TIMM23B: variants seen among roughly 807,000 people sequenced by gnomAD.
The protein encoded by TIMM23B is mitochondrial import inner membrane translocase subunit Tim23B.
In TIMM23B, 27 loss-of-function variants were observed where a neutral mutation model predicts 27.3. The observed-to-expected ratio is 0.99, with a 90% CI of 0.73 to 1.36. The LOEUF (loss-of-function observed/expected upper bound fraction) is 1.36, where lower values mean the gene tolerates loss of function less well. Among genes scored for constraint, TIMM23B ranks in the 40% most tolerant of loss-of-function variants. TIMM23B has a pLI of 0.00. For missense variants in TIMM23B, 205 were observed against 244.2 expected, an observed-to-expected ratio of 0.84 and a Z score of 1.07; for synonymous variants, 73 against 92.4, an observed-to-expected ratio of 0.79 and a Z score of 1.21.
At chr10:49,954,820 A>T (rs1485102809) in intron 4 of TIMM23B, among the ~76,000 whole-genome samples, 182 bp from the exon 5 acceptor site, 5 of 151,058 alleles carry the variant, frequency 3.3e-5, no homozygotes, top group African/African-American at 1.2e-4. Flanking sequence ...GTTTTAACCT[A>T]ATTTTCACTT....
intron 6 of TIMM23B, among the ~76,000 whole-genome samples, chr10:49,964,005 T>A (rs371820059): frequency 4.5e-3 from 679 of 151,158 alleles, no homozygotes; most frequent in East Asian, 0.018. Context: ...AATAATGAAA[T>A]GAATAATGAA....
intron 5 of TIMM23B, among the ~76,000 whole-genome samples, chr10:49,957,773 A>G (rs1839774562): frequency 6.6e-6 from 1 of 152,136 alleles, no homozygotes. Flanking sequence ...CATGTGGAAA[A>G]TTGATTGGAT....
intron 6 of TIMM23B, among the ~76,000 whole-genome samples, chr10:49,959,088 C>A (rs1283841467): frequency 3.9e-5 from 6 of 152,184 alleles, no homozygotes; most frequent in African/African-American, 1.4e-4. Flanking sequence ...AATATCTCTT[C>A]AAGGTCCTTC....
intron 5 of TIMM23B, 140 bp downstream of exon 5, chr10:49,955,200 G>C: frequency 1.1e-6 from 1 of 894,770 alleles, no homozygotes; most frequent in Non-Finnish European, 1.8e-6. Flanking sequence ...GCATAATGTA[G>C]ATACTACTTA....
At chr10:49,969,558 G>A (rs1487785333) in intron 6 of TIMM23B, among the ~76,000 whole-genome samples, 2 of 151,054 alleles carry the variant, frequency 1.3e-5, no homozygotes, top group Non-Finnish European at 3.0e-5. Context: ...TACAAAAAAT[G>A]AGCTAAGCAT....
intron 2 of TIMM23B, among the ~76,000 whole-genome samples, chr10:49,948,284 C>A (rs1186974724): frequency 1.3e-5 from 2 of 152,056 alleles, no homozygotes; most frequent in African/African-American, 4.8e-5. Context: ...TAAAATGATA[C>A]AGCTGCTTTT....
chr10:49,964,359 T>C (rs1840039026), intron 6 of TIMM23B, among the ~76,000 whole-genome samples: 1 of 140,524 alleles, frequency 7.1e-6, no homozygotes. Context: ...AAATATGAAA[T>C]GCTGGGTGAA....
intron 6 of TIMM23B, among the ~76,000 whole-genome samples, chr10:49,966,711 G>A (rs1379766090): frequency 8.5e-5 from 13 of 152,106 alleles, no homozygotes; most frequent in Non-Finnish European, 1.5e-4. Context: ...TGTAATCCCA[G>A]CTACTTGGGA....
At chr10:49,964,809 A>G (rs2132049816) in intron 6 of TIMM23B, among the ~76,000 whole-genome samples, 1 of 152,256 alleles carries the variant, frequency 6.6e-6, no homozygotes, top group Middle Eastern at 3.4e-3. Flanking sequence ...TGAAGAAATA[A>G]TGAAATGAAA....
At chr10:49,943,072 C>G (rs1839206437) in intron 1 of TIMM23B, among the ~76,000 whole-genome samples, 1 of 152,146 alleles carries the variant, frequency 6.6e-6, no homozygotes, top group Admixed American at 6.5e-5. Context: ...TAATATTTCT[C>G]TAGGTATTTT....
intron 1 of TIMM23B, among the ~76,000 whole-genome samples, chr10:49,942,678 A>G (rs1368928291): frequency 6.6e-6 from 1 of 152,192 alleles, no homozygotes; most frequent in Non-Finnish European, 1.5e-5. Flanking sequence ...TTTAGTACAC[A>G]GTGACATATT....
chr10:49,961,211 C>T (rs1220482152), intron 6 of TIMM23B, among the ~76,000 whole-genome samples: 253 of 148,340 alleles, frequency 1.7e-3, no homozygotes, highest in African/African-American at 5.5e-3. Flanking sequence ...TAGAGAAATC[C>T]GGTCTCCACT....
intron 6 of TIMM23B, among the ~76,000 whole-genome samples, chr10:49,965,445 AAAT>A (rs1481274797): frequency 1.3e-5 from 2 of 151,014 alleles, no homozygotes; most frequent in African/African-American, 4.9e-5. Flanking sequence ...TGAAAAAATG[AAAT>A]AATAATGAAA....
chr10:49,942,460 T>A (rs1336993238), intron 1 of TIMM23B, among the ~76,000 whole-genome samples, 160 bp downstream of exon 1: 1 of 152,104 alleles, frequency 6.6e-6, no homozygotes, highest in East Asian at 1.9e-4. Context: ...GGCTGCTCTT[T>A]CAAGATAGAA....
chr10:49,971,003 G>T (rs1204842712), intron 6 of TIMM23B, among the ~76,000 whole-genome samples: 1 of 152,172 alleles, frequency 6.6e-6, no homozygotes, highest in African/African-American at 2.4e-5. Context: ...TTCTGCCTTG[G>T]GATGCTGTTG....
chr10:49,943,188 C>G (rs1473259466), intron 1 of TIMM23B: 19 of 152,044 alleles, frequency 1.2e-4, no homozygotes, highest in African/African-American at 4.6e-4. Context: ...AAAACTGAAT[C>G]TACAACACAT....
chr10:49,953,373 C>T (rs1839605810), intron 4 of TIMM23B, among the ~76,000 whole-genome samples: 1 of 152,164 alleles, frequency 6.6e-6, no homozygotes, highest in Non-Finnish European at 1.5e-5. Context: ...AGAGACAGGG[C>T]CTTGCTGTGT....
chr10:49,972,199 C>A (rs1840480941), intron 6 of TIMM23B, among the ~76,000 whole-genome samples: 1 of 152,248 alleles, frequency 6.6e-6, no homozygotes, highest in Admixed American at 6.5e-5. Flanking sequence ...GCTGTAGACA[C>A]TGACAGGTAT....
At chr10:49,966,385 A>T (rs1332847147) in intron 6 of TIMM23B, among the ~76,000 whole-genome samples, 15 of 152,252 alleles carry the variant, frequency 9.9e-5, no homozygotes, top group Admixed American at 7.2e-4. Context: ...AAATGAAGAA[A>T]TGAAATAATG....
Sources: allele counts gnomAD v4.1 joint callset (sites outside exome capture counted in the v4.1 genomes callset), GRCh38; gene constraint gnomAD v4.1.1; transcripts MANE v1.5; gene names NCBI Gene and HGNC (gene_info 2026-07-23, HGNC 2026-07-21).